PCDHGA9: variants seen among roughly 807,000 people sequenced by gnomAD.
PCDHGA9 encodes protocadherin gamma subfamily A, 9.
Under a neutral mutation model 62.5 loss-of-function variants are expected in PCDHGA9, and 37 were observed. The ratio of observed to expected loss-of-function variants is 0.59; its 90% confidence interval spans 0.46 to 0.78. The LOEUF (loss-of-function observed/expected upper bound fraction) is 0.78. Ranked by LOEUF, PCDHGA9 falls within the 30% of genes least tolerant of loss-of-function variation. The pLI, the probability that PCDHGA9 is intolerant of heterozygous loss-of-function variation, is 0.00. For synonymous variants in PCDHGA9, 459 were observed against 484.6 expected (o/e 0.95, Z 0.69); for missense variants, 1,138 against 1,166.2 (o/e 0.98, Z 0.35).
rs1289372327 is a variant in PCDHGA9 at position 141,405,094 on chromosome 5, C to T, written c.2142C>T (p.Leu714=). Residue 714 remains leucine (L), a synonymous_variant, in exon 1 of 4, where the codon CTC becomes CTT. Transcript: ENST00000573521. The part of the protein sequence containing the change: ...FLTFVITLLA[L]RLRHWHSSHL... ...CCTTCGTTATCACGCTGCTGGCCCT[C>T]AGGCTGAGGCACTGGCACTCCTCGC... is the stretch of plus-strand genomic sequence containing the variant. 4 of 1,613,840 alleles carry T rather than the reference C, an allele frequency of 2.5e-6. No individual in the cohort carries two copies. The highest frequency in any genetic ancestry group is 3.4e-6 in the Non-Finnish European group (4 of 1,179,836).
In PCDHGA9 at chr5:141,485,308, A is replaced by G; in HGVS notation, c.2425-9499A>G. On this transcript the variant is annotated intron_variant, in intron 1 of 3. Coordinates refer to ENST00000573521, the MANE Select transcript of PCDHGA9 (RefSeq NM_018921.3). The surrounding 1 kb of genome is among the most constrained non-coding windows in gnomAD (Gnocchi z 5.7). ...AGGAGTCACAGGAAGGGACTTTTGTAGGGAATGTCGCTCAAGATTTCCTGC... is the reference window on the plus strand; with the variant it reads ...AGGAGTCACAGGAAGGGACTTTTGTGGGGAATGTCGCTCAAGATTTCCTGC... 6.2e-7 allele frequency: 1 copy of G among 1,614,112 alleles called. No individual in the cohort carries two copies. The highest frequency in any genetic ancestry group is 8.5e-7 in the Non-Finnish European group (1 of 1,179,996).
At chr5:141,500,188 ATT>A (rs2099797463) in intron 2 of PCDHGA9, among the ~76,000 whole-genome samples, 1 of 98,146 alleles carries the variant, frequency 1.0e-5, no homozygotes, top group African/African-American at 5.1e-5. Flanking sequence ...TTTTATTTTT[ATT>A]TATTTATTTA....
chr5:141,420,044 T>C lies in PCDHGA9; in HGVS notation c.2424+14668T>C, dbSNP rs769790599. 1.7e-5 allele frequency: 27 copies of C among 1,613,934 alleles called. No individual in the cohort carries two copies. In the East Asian group the frequency reaches 6.0e-4, roughly 36 times the overall value. On this transcript the variant is annotated intron_variant, in intron 1 of 3. Coordinates refer to ENST00000573521, the MANE Select transcript of PCDHGA9 (RefSeq NM_018921.3). ...CCCTACTGCAGGAGACTGCTTTGAG[T>C]CAGTTCTCTGCTCCAAGTCCGGACC...
In PCDHGA9 at chr5:141,432,085, G is replaced by A. The variant is rs144065251; in HGVS notation, c.2424+26709G>A. 2.2e-4 allele frequency: 353 copies of A among 1,614,164 alleles called. 1 individual carries two copies. The African/African-American group carries it at 4.2e-3, about 19-fold the overall frequency. ...CGGAAACTCATATCTCGCTGAACGT[G>A]GCAGACACCAACGACAACCCGCCGG... On this transcript the variant is annotated intron_variant, in intron 1 of 3. Transcript: ENST00000573521. This position sits in a 1 kb window ranked among gnomAD's most constrained non-coding sequence, Gnocchi z 6.0.
At chr5:141,435,516 C>T (rs2097767967) in intron 1 of PCDHGA9, among the ~76,000 whole-genome samples, 1 of 152,058 alleles carries the variant, frequency 6.6e-6, no homozygotes, top group Non-Finnish European at 1.5e-5. Context: ...CTAATGATGA[C>T]TTTGTGGAAT....
At chr5:141,408,059 C>T in intron 1 of PCDHGA9, 1 of 1,317,324 alleles carries the variant, frequency 7.6e-7, no homozygotes, top group Non-Finnish European at 1.0e-6. Flanking sequence ...AGCCTCCCGG[C>T]TGCGCAGACC....
chr5:141,482,593 G>A (rs1314658005), intron 1 of PCDHGA9, among the ~76,000 whole-genome samples: 4 of 149,900 alleles, frequency 2.7e-5, no homozygotes, highest in Non-Finnish European at 5.9e-5. Flanking sequence ...GGGACCAAAC[G>A]GGAAAAAACA....
At chr5:141,507,833 G>C (rs1184502436) in intron 3 of PCDHGA9, among the ~76,000 whole-genome samples, 2 of 152,172 alleles carry the variant, frequency 1.3e-5, no homozygotes, top group East Asian at 3.9e-4. Flanking sequence ...GGAGGTGGTG[G>C]GTCAGGCCCT....
intron 1 of PCDHGA9, chr5:141,440,247 T>C (rs1158469276): frequency 1.3e-5 from 2 of 152,296 alleles, no homozygotes; most frequent in Non-Finnish European, 2.9e-5. Context: ...GGCGAGCAGA[T>C]TACGAGGTCA....
Position 141,486,915 on chromosome 5 carries a change from C to G in PCDHGA9, c.2425-7892C>G. The G allele has an allele frequency of 6.2e-7, 1 of 1,614,244 alleles. No individual in the cohort carries two copies. The highest frequency in any genetic ancestry group is 8.5e-7 in the Non-Finnish European group (1 of 1,180,046). ...GGTTCCTTATGTCCCCAAGCACTGCCTCCATCAGTTGGTGCTGGCCACCTA... is the reference window on the plus strand; with the variant it reads ...GGTTCCTTATGTCCCCAAGCACTGCGTCCATCAGTTGGTGCTGGCCACCTA... On this transcript the variant is annotated intron_variant, in intron 1 of 3. Transcript: ENST00000573521. This position sits in a 1 kb window ranked among gnomAD's most constrained non-coding sequence, Gnocchi z 5.0.
intron 1 of PCDHGA9, among the ~76,000 whole-genome samples, chr5:141,480,216 C>T (rs1055544952): frequency 1.9e-4 from 28 of 147,036 alleles, no homozygotes; most frequent in Non-Finnish European, 3.6e-4. Flanking sequence ...CCAGCCTGAG[C>T]GACATAGTGA....
rs2094486353 is a variant in PCDHGA9, at chr5:141,404,114, G to C, written c.1162G>C (p.Glu388Gln). The C allele has an allele frequency of 2.5e-6, 4 of 1,613,348 alleles. No homozygotes were observed. Among genetic ancestry groups the C allele is most frequent in the Non-Finnish European group, 3.4e-6 (4 of 1,179,582 alleles). ...KNGQVVCSIQ[E>Q]NLSFTLENSE... is the part of the protein sequence containing the mutation. ...TGGTCAAGTTGTCTGTTCTATCCAG[G>C]AGAATCTATCTTTTACATTAGAAAA... Residue 388 changes from glutamate to glutamine, a missense_variant, in exon 1 of 4, where the codon GAG (glutamate) becomes CAG (glutamine). By Grantham distance (29) the Glu-to-Gln change is conservative. Coordinates refer to ENST00000573521, the MANE Select transcript of PCDHGA9 (RefSeq NM_018921.3).
intron 1 of PCDHGA9, chr5:141,433,331 C>G: frequency 1.4e-6 from 1 of 699,624 alleles, no homozygotes; most frequent in South Asian, 1.9e-5. Context: ...GTAACAGGGA[C>G]TACAGGTGCA....
intron 3 of PCDHGA9, among the ~76,000 whole-genome samples, chr5:141,506,925 A>G (rs1287267937): frequency 1.3e-5 from 2 of 152,152 alleles, no homozygotes; most frequent in African/African-American, 4.8e-5. Context: ...ATACTAAACA[A>G]ACTTTAGGGG....
At chr5:141,468,487 G>A (rs945439990) in intron 1 of PCDHGA9, 6 of 152,110 alleles carry the variant, frequency 3.9e-5, no homozygotes, top group African/African-American at 1.4e-4. Context: ...TAGGTCTCAT[G>A]GAAGATTTTC....
Position 141,489,493 on chromosome 5 carries a change from G to A in PCDHGA9, c.2425-5314G>A, listed in dbSNP as rs1485293604. ...CCTGAGCTTGATGAGTGGTGCCCTG[G>A]CAGTGAATCAAAAGATTGACCGAGA... On this transcript the variant is annotated intron_variant, in intron 1 of 3. Coordinates refer to ENST00000573521, the MANE Select transcript of PCDHGA9 (RefSeq NM_018921.3). The surrounding 1 kb of genome is among the most constrained non-coding windows in gnomAD (Gnocchi z 4.5). The A allele has an allele frequency of 1.2e-6, 2 of 1,613,960 alleles. No homozygotes were observed. Among genetic ancestry groups the A allele is most frequent in the Non-Finnish European group, 1.7e-6 (2 of 1,180,038 alleles).
At chr5:141,421,762 T>G (rs1272315856) in intron 1 of PCDHGA9, 2 of 1,613,884 alleles carry the variant, frequency 1.2e-6, no homozygotes, top group Non-Finnish European at 8.5e-7. Context: ...TAATAATTAC[T>G]TTTCCTTGCA....
intron 1 of PCDHGA9, chr5:141,418,910 T>C: frequency 6.2e-7 from 1 of 1,613,936 alleles, no homozygotes; most frequent in East Asian, 2.2e-5. Flanking sequence ...AATCATCACG[T>C]CACTCTCTGA....
chr5:141,506,447 A>G (rs1405495926), intron 3 of PCDHGA9, among the ~76,000 whole-genome samples: 3 of 146,906 alleles, frequency 2.0e-5, no homozygotes, highest in Non-Finnish European at 3.0e-5. Flanking sequence ...TCTGTCTCAA[A>G]AAAAAAAAAA....
Sources: allele counts gnomAD v4.1 joint callset (sites outside exome capture counted in the v4.1 genomes callset), GRCh38; gene constraint gnomAD v4.1.1; non-coding constraint Gnocchi (gnomAD v3.1); transcripts MANE v1.5; gene names NCBI Gene and HGNC (gene_info 2026-07-23, HGNC 2026-07-21).